Variants in TRPM5 observed in about 807,000 individuals in gnomAD.
TRPM5 encodes MLSN1 and TRP-related.
TRPM5 carries 121 observed loss-of-function variants against 124.9 expected under a neutral mutation model. The observed-to-expected ratio is 0.97, with a 90% CI of 0.84 to 1.13. The LOEUF is 1.13. Among genes scored for constraint, TRPM5 ranks in the 50% most tolerant of loss-of-function variants. TRPM5 has a pLI of 0.00. For missense variants in TRPM5, 1,643 were observed against 1,589.1 expected, an observed-to-expected ratio of 1.03 and a Z score of -0.58; for synonymous variants, 781 against 700.5, an observed-to-expected ratio of 1.11 and a Z score of -1.81.
chr11:2,416,955 G>A (rs948069978), intron 7 of TRPM5, among the ~76,000 whole-genome samples: 3 of 152,152 alleles, frequency 2.0e-5, no homozygotes, highest in Non-Finnish European at 4.4e-5. Flanking sequence ...CGGAGGAACC[G>A]TCAAACCCTC....
At chr11:2,411,122 G>A (rs1424371696) in intron 18 of TRPM5, among the ~76,000 whole-genome samples, 1 of 152,116 alleles carries the variant, frequency 6.6e-6, no homozygotes, top group African/African-American at 2.4e-5. Flanking sequence ...AAGGCCCCAG[G>A]TCCCAGGTCG....
the TRPM5 span, among the ~76,000 whole-genome samples, chr11:2,442,376 T>TACACAC: frequency 6.6e-3 from 927 of 141,218 alleles, 1 homozygote; most frequent in African/African-American, 0.012. The surrounding 1 kb of genome is among the most constrained non-coding windows in gnomAD (Gnocchi z 5.9). Context: ...CATTCTTTGA[T>TACACAC]ACACACACAC....
At chr11:2,419,964 G>C (rs975964821) in intron 4 of TRPM5, among the ~76,000 whole-genome samples, 1 of 152,156 alleles carries the variant, frequency 6.6e-6, no homozygotes, top group African/African-American at 2.4e-5. Flanking sequence ...ACCTGCTCTG[G>C]TGGGAATGTC....
chr11:2,412,355 T>G, intron 15 of TRPM5, 102 bp from the exon 21 acceptor site: 1 of 920,942 alleles, frequency 1.1e-6, no homozygotes, highest in Admixed American at 1.8e-5. Flanking sequence ...GGGTTCCATC[T>G]ATGACCAGGG....
rs146517518 is a variant in TRPM5 at position 2,409,481 on chromosome 11, A to G, written c.2783-1569T>C. On this transcript the variant is annotated intron_variant, in intron 18 of 23. Coordinates refer to ENST00000155858, the Ensembl canonical transcript of TRPM5. Reference sequence around the variant, plus strand: ...CTGGGGCCTGGAGACCCAGAGAACAAGCTCGTCACCACAGCTCAACCCCAG... The same window carrying G: ...CTGGGGCCTGGAGACCCAGAGAACAGGCTCGTCACCACAGCTCAACCCCAG... Among the ~76,000 whole-genome samples, 984 of 152,302 alleles carry G rather than the reference A, an allele frequency of 6.5e-3. 7 individuals are homozygous for G. In the Middle Eastern group the frequency reaches 0.068, roughly 11 times the overall value.
At chr11:2,414,009 G>GGGGGGGGGCCCCCCCCCCC in intron 12 of TRPM5, 52 bp downstream of exon 17, 1 of 1,023,734 alleles carries the variant, frequency 9.8e-7, no homozygotes, top group Non-Finnish European at 1.4e-6. Flanking sequence ...GGCCCAGCTC[G>GGGGGGGGGCCCCCCCCCCC]CCCGCCCACC....
At chr11:2,414,315 C>A (rs55896160) in intron 11 of TRPM5, 109 bp from the exon 17 acceptor site, 4 of 1,437,840 alleles carry the variant, frequency 2.8e-6, no homozygotes, top group South Asian at 1.4e-5. Context: ...CCGCACCCTG[C>A]GTTCAACACG....
chr11:2,414,246 T>C, intron 11 of TRPM5, 40 bp from the exon 17 acceptor site: 1 of 1,584,698 alleles, frequency 6.3e-7, no homozygotes, highest in East Asian at 2.3e-5. Context: ...GAGACGCCGA[T>C]GCCCGGCCCG....
At chr11:2,412,061 CAACCT>C in intron 16 of TRPM5, 69 bp downstream of exon 21, 1 of 1,329,682 alleles carries the variant, frequency 7.5e-7, no homozygotes, top group Non-Finnish European at 1.1e-6. Context: ...CCGCCACACC[CAACCT>C]GAGTGGCTTC....
chr11:2,442,871 G>A, the TRPM5 span, among the ~76,000 whole-genome samples: 1 of 152,288 alleles, frequency 6.6e-6, no homozygotes, highest in Admixed American at 6.5e-5. This position sits in a 1 kb window ranked among gnomAD's most constrained non-coding sequence, Gnocchi z 5.9. Context: ...CATTTCCTAT[G>A]AACTGCTCAT....
intron 18 of TRPM5, among the ~76,000 whole-genome samples, chr11:2,409,831 C>T (rs903029952): frequency 5.9e-5 from 9 of 152,286 alleles, no homozygotes; most frequent in South Asian, 4.1e-4. Flanking sequence ...CTGAGATCCC[C>T]GCAGCACCGC....
intron 15 of TRPM5, 66 bp downstream of exon 20, chr11:2,412,688 C>T: frequency 4.7e-6 from 7 of 1,484,756 alleles, no homozygotes; most frequent in Non-Finnish European, 6.3e-6. Flanking sequence ...GAGGGCAGGA[C>T]CCAGCTTAGG....
chr11:2,404,702 T>G, exon 24 of TRPM5: 1 of 518,312 alleles, frequency 1.9e-6, no homozygotes, highest in Non-Finnish European at 3.4e-6. Context: ...GCCCGGGGAG[T>G]TGTGCCTGTC....
At chr11:2,404,809 AG>A (rs1425715397) in exon 24 of TRPM5, 10 of 689,818 alleles carry the variant, frequency 1.4e-5, no homozygotes, top group Non-Finnish European at 2.2e-5. Flanking sequence ...AGGCACCAGG[AG>A]GGCCATTGTC....
At chr11:2,413,943 T>C (rs1850509615) in intron 12 of TRPM5, 118 bp downstream of exon 17, 1 of 1,389,612 alleles carries the variant, frequency 7.2e-7, no homozygotes, top group Non-Finnish European at 9.8e-7. Flanking sequence ...CCGCCCCCTC[T>C]GTGCTGAGGA....
chr11:2,421,130 G>A, exon 3 of TRPM5: 1 of 1,543,020 alleles, frequency 6.5e-7, no homozygotes, highest in East Asian at 2.5e-5. Flanking sequence ...GCCAGCGAGT[G>A]GTCGCGCACG....
chr11:2,411,667 G>A, exon 17 of TRPM5: 1 of 1,612,630 alleles, frequency 6.2e-7, no homozygotes, highest in South Asian at 1.1e-5. Context: ...TTGGGGCCCA[G>A]CTGCTTGTGT....
chr11:2,438,300 A>T, the TRPM5 span, among the ~76,000 whole-genome samples: 1 of 152,184 alleles, frequency 6.6e-6, no homozygotes, highest in Non-Finnish European at 1.5e-5. The surrounding 1 kb of genome is among the most constrained non-coding windows in gnomAD (Gnocchi z 5.9). Context: ...GTACACTCTC[A>T]CCACACAAAA....
chr11:2,414,017 A>AGC, intron 12 of TRPM5, 44 bp downstream of exon 17: 1 of 357,906 alleles, frequency 2.8e-6, no homozygotes, highest in Non-Finnish European at 5.0e-6. Flanking sequence ...TCGCCCGCCC[A>AGC]CCCCACCCCC....
Sources: allele counts gnomAD v4.1 joint callset (sites outside exome capture counted in the v4.1 genomes callset), GRCh38; gene constraint gnomAD v4.1.1; non-coding constraint Gnocchi (gnomAD v3.1); transcripts MANE v1.5; gene names NCBI Gene and HGNC (gene_info 2026-07-23, HGNC 2026-07-21).